GALNT18: variants seen among roughly 807,000 people sequenced by gnomAD.
The protein encoded by GALNT18 is GalNAc-transferase 18.
A neutral mutation model predicts 69.5 loss-of-function variants in GALNT18; 44 were observed. The observed-to-expected ratio is 0.63, with a 90% confidence interval of 0.50 to 0.81. The LOEUF (loss-of-function observed/expected upper bound fraction) is 0.81. Among genes scored for constraint, GALNT18 ranks in the 40% least tolerant of loss-of-function variants. The pLI, the probability that GALNT18 is intolerant of heterozygous loss-of-function variation, is 0.00. For synonymous variants in GALNT18, 364 were observed against 318.2 expected, an observed-to-expected ratio of 1.14 and a Z score of -1.53; for missense variants, 715 against 810.0, an observed-to-expected ratio of 0.88 and a Z score of 1.42.
Position 11,614,303 on chromosome 11 carries a change from T to C in GALNT18, c.235+7056A>G, listed in dbSNP as rs1191227852. Reference sequence around the variant, plus strand: ...GCAGAAGGTAACAGGGAAGCAGGTATGTCACATAGTGAGAGAGGGGTGAGA... The same window carrying C: ...GCAGAAGGTAACAGGGAAGCAGGTACGTCACATAGTGAGAGAGGGGTGAGA... On this transcript the variant is annotated intron_variant, in intron 1 of 10. Coordinates refer to ENST00000227756, the MANE Select transcript of GALNT18 (RefSeq NM_198516.3). This position sits in a 1 kb window ranked among gnomAD's most constrained non-coding sequence, Gnocchi z 5.6. Among the ~76,000 whole-genome samples the C allele has an allele frequency of 6.6e-6, 1 of 151,388 alleles. No homozygotes were observed. The highest frequency in any genetic ancestry group is 1.5e-5 in the Non-Finnish European group (1 of 67,954).
At chr11:11,358,859 A>ACACACACATACG (rs1554921791) in intron 6 of GALNT18, among the ~76,000 whole-genome samples, 1 of 130,010 alleles carries the variant, frequency 7.7e-6, no homozygotes, top group African/African-American at 3.0e-5. Context: ...ACACACACAC[A>ACACACACATACG]CACGCACAGA....
chr11:11,477,316 G>A (rs562947636), intron 1 of GALNT18, among the ~76,000 whole-genome samples: 2 of 152,346 alleles, frequency 1.3e-5, no homozygotes, highest in South Asian at 2.1e-4. Context: ...AACCATGTGA[G>A]GGTTGGGAGT....
In GALNT18 at chr11:11,363,387, A is replaced by G. The variant is rs149812897; in HGVS notation, c.1092+9128T>C. ...CTTCTAGATAAGTGTGGATAATAGG[A>G]ATTTGACTGTACATCCTAGTGGGAT... On this transcript the variant is annotated intron_variant, in intron 6 of 10. Transcript: ENST00000227756. 3.7e-3 allele frequency among the ~76,000 whole-genome samples: 558 copies of G among 152,294 alleles called. 15 individuals are homozygous for G. The highest frequency in any genetic ancestry group is 5.4e-4 in the Non-Finnish European group (37 of 68,004).
chr11:11,493,444 T>G (rs975199872), intron 1 of GALNT18, among the ~76,000 whole-genome samples: 1 of 152,114 alleles, frequency 6.6e-6, no homozygotes, highest in Non-Finnish European at 1.5e-5. Context: ...TCAACCTTCC[T>G]ACATAAGCCT....
Position 11,484,041 on chromosome 11 carries a change from A to G in GALNT18, c.236-35105T>C, listed in dbSNP as rs1856590337. Among the ~76,000 whole-genome samples, 4 of 152,138 alleles carry G rather than the reference A, an allele frequency of 2.6e-5. No individual in the cohort carries two copies. The South Asian group carries it at 8.3e-4, about 32-fold the overall frequency. On this transcript the variant is annotated intron_variant, in intron 1 of 10. Transcript: ENST00000227756. ...ACACAGCACCTACTCTGTGCGGGGG[A>G]CTTTCCATGCATTTCTCATTCACCT...
At position 11,286,406 on chromosome 11, in the gene GALNT18, TG is replaced by T. The variant is rs530203207; in HGVS notation, c.1677+6622del. On this transcript the variant is annotated intron_variant, in intron 10 of 10. Coordinates refer to ENST00000227756, the MANE Select transcript of GALNT18 (RefSeq NM_198516.3). ...GGTGGGATGCGCTACCACCTAAAAG[TG>T]TTCACTGTAGGAACTGGGGATTTTC... 8.5e-5 allele frequency among the ~76,000 whole-genome samples: 13 copies of T among 152,348 alleles called. No individual in the cohort carries two copies. The South Asian group carries it at 2.7e-3, about 32-fold the overall frequency.
Position 11,540,575 on chromosome 11 carries a change from C to T in GALNT18, c.235+80784G>A, listed in dbSNP as rs573769687. Among the ~76,000 whole-genome samples the T allele has an allele frequency of 7.9e-5, 12 of 152,034 alleles. No homozygotes were observed. The highest frequency in any genetic ancestry group is 2.0e-4 in the Admixed American group (3 of 15,266). Reference sequence around the variant, plus strand: ...TGAGGGGCTCCCAGAATTAGAGCACCCTTTGACCCTGAAAACTGATCCCTG... The same window carrying T: ...TGAGGGGCTCCCAGAATTAGAGCACTCTTTGACCCTGAAAACTGATCCCTG... On this transcript the variant is annotated intron_variant, in intron 1 of 10. Transcript: ENST00000227756. The surrounding 1 kb of genome is among the most constrained non-coding windows in gnomAD (Gnocchi z 4.6).
chr11:11,495,356 G>C (rs992177599), intron 1 of GALNT18, among the ~76,000 whole-genome samples: 1 of 152,150 alleles, frequency 6.6e-6, no homozygotes, highest in Non-Finnish European at 1.5e-5. Context: ...TCTCCAAGAG[G>C]GGGTTGGGTA....
At chr11:11,473,263 C>A (rs145416489) in intron 1 of GALNT18, among the ~76,000 whole-genome samples, 1 of 152,322 alleles carries the variant, frequency 6.6e-6, no homozygotes, top group African/African-American at 2.4e-5. Flanking sequence ...TACTTCAAGG[C>A]AAGAGCTTTG....
At position 11,582,030 on chromosome 11, in the gene GALNT18, T is replaced by C. The variant is rs1013723492; in HGVS notation, c.235+39329A>G. Among the ~76,000 whole-genome samples the C allele has an allele frequency of 6.6e-6, 1 of 152,004 alleles. No individual in the cohort carries two copies. Among genetic ancestry groups the C allele is most frequent in the African/African-American group, 2.4e-5 (1 of 41,368 alleles). ...ATGAGTAATCTAGTATTTCCTAGTATACATGAGGTTCCATGTATACTGTGT... is the reference window on the plus strand; with the variant it reads ...ATGAGTAATCTAGTATTTCCTAGTACACATGAGGTTCCATGTATACTGTGT... On this transcript the variant is annotated intron_variant, in intron 1 of 10. Transcript: ENST00000227756. This position sits in a 1 kb window ranked among gnomAD's most constrained non-coding sequence, Gnocchi z 5.0.
intron 8 of GALNT18, among the ~76,000 whole-genome samples, chr11:11,327,809 T>A (rs1329932246): frequency 6.6e-6 from 1 of 152,200 alleles, no homozygotes; most frequent in African/African-American, 2.4e-5. Flanking sequence ...TAAGACAGCT[T>A]ATATTCAATG....
At chr11:11,486,930 C>A (rs887781447) in intron 1 of GALNT18, among the ~76,000 whole-genome samples, 1 of 152,204 alleles carries the variant, frequency 6.6e-6, no homozygotes, top group Admixed American at 6.5e-5. Context: ...TCTCCCTCAC[C>A]ACTTGACCTG....
At chr11:11,345,856 G>A (rs1406661827) in intron 6 of GALNT18, among the ~76,000 whole-genome samples, 2 of 152,178 alleles carry the variant, frequency 1.3e-5, no homozygotes, top group African/African-American at 4.8e-5. Context: ...AAACCACCAA[G>A]ATGTAGACCC....
At chr11:11,485,466 C>T (rs899386329) in intron 1 of GALNT18, among the ~76,000 whole-genome samples, 7 of 152,174 alleles carry the variant, frequency 4.6e-5, no homozygotes, top group African/African-American at 1.7e-4. Context: ...GGAAGAAATG[C>T]ATGGTGTAAG....
chr11:11,523,092 T>G lies in GALNT18; in HGVS notation c.236-74156A>C, dbSNP rs900468426. 1.3e-5 allele frequency among the ~76,000 whole-genome samples: 2 copies of G among 152,202 alleles called. No homozygotes were observed. The highest frequency in any genetic ancestry group is 4.8e-5 in the African/African-American group (2 of 41,442). Reference sequence around the variant, plus strand: ...CATGCTTTTTCTTATTACAAGCCCTTTCATTATGTCCGCAAGATCAATTCC... The same window carrying G: ...CATGCTTTTTCTTATTACAAGCCCTGTCATTATGTCCGCAAGATCAATTCC... On this transcript the variant is annotated intron_variant, in intron 1 of 10. Coordinates refer to ENST00000227756, the MANE Select transcript of GALNT18 (RefSeq NM_198516.3). This position sits in a 1 kb window ranked among gnomAD's most constrained non-coding sequence, Gnocchi z 4.3.
At chr11:11,289,457 CTA>C (rs1849258815) in intron 10 of GALNT18, among the ~76,000 whole-genome samples, 1 of 151,994 alleles carries the variant, frequency 6.6e-6, no homozygotes, top group Non-Finnish European at 1.5e-5. Flanking sequence ...TTGTTGACTG[CTA>C]TGTCTGTTTA....
chr11:11,343,119 G>A (rs2133059048), intron 6 of GALNT18, among the ~76,000 whole-genome samples: 1 of 152,236 alleles, frequency 6.6e-6, no homozygotes, highest in Non-Finnish European at 1.5e-5. Context: ...TGAGGTGGGT[G>A]GATCACTTGA....
At chr11:11,283,755 CTTTTAA>C (rs555429408) in intron 10 of GALNT18, among the ~76,000 whole-genome samples, 137 of 152,210 alleles carry the variant, frequency 9.0e-4, no homozygotes, top group African/African-American at 3.0e-3. Context: ...ACACACAATA[CTTTTAA>C]TTAAAGAATT....
intron 3 of GALNT18, among the ~76,000 whole-genome samples, chr11:11,399,660 C>G (rs922299949): frequency 1.3e-5 from 2 of 152,184 alleles, no homozygotes; most frequent in African/African-American, 4.8e-5. Context: ...GGGTTTAAAT[C>G]CCAACCCCAC....
Sources: gnomAD v4.1 joint callset for allele counts (sites outside exome capture counted in the v4.1 genomes callset) on GRCh38, gnomAD v4.1.1 for gene constraint, Gnocchi (gnomAD v3.1) non-coding constraint, MANE v1.5 for transcripts, NCBI Gene and HGNC (gene_info 2026-07-23, HGNC 2026-07-21) for gene names.